CHRDL1: variants seen among roughly 807,000 people sequenced by gnomAD.
The protein encoded by CHRDL1 is chordin like 1, also known as chordin-like protein 1.
Under a neutral mutation model 40.9 loss-of-function variants are expected in CHRDL1, and 19 were observed. That is an observed-to-expected ratio of 0.46 (90% CI 0.32 to 0.68). The LOEUF is 0.68. Among genes scored for constraint, CHRDL1 ranks in the 30% least tolerant of loss-of-function variants. The pLI is 0.03. For synonymous variants in CHRDL1, 136 were observed against 123.4 expected, an observed-to-expected ratio of 1.10 and a Z score of -0.68; for missense variants, 329 against 352.1, an observed-to-expected ratio of 0.93 and a Z score of 0.53.
At chrX:110,732,480 G>A (rs2071183844) in intron 4 of CHRDL1, among the ~76,000 whole-genome samples, 1 of 112,116 alleles carries the variant, frequency 8.9e-6, no homozygotes, top group South Asian at 3.8e-4. Flanking sequence ...CGAGTGAGAG[G>A]AAACAGTCAT....
intron 2 of CHRDL1, among the ~76,000 whole-genome samples, chrX:110,780,006 G>A (rs886394596): frequency 9.0e-6 from 1 of 111,106 alleles, no homozygotes; most frequent in Non-Finnish European, 1.9e-5. Flanking sequence ...AAAAGCAATT[G>A]ACTTTTATAT....
At chrX:110,720,677 C>T (rs772677834) in intron 5 of CHRDL1, among the ~76,000 whole-genome samples, 2 of 111,927 alleles carry the variant, frequency 1.8e-5, no homozygotes, top group Admixed American at 1.9e-4. Flanking sequence ...CTTCCCTTGA[C>T]AATCCAGTGC....
intron 9 of CHRDL1, among the ~76,000 whole-genome samples, chrX:110,685,963 G>A (rs1162328104): frequency 1.9e-5 from 2 of 103,805 alleles, no homozygotes; most frequent in Non-Finnish European, 3.9e-5. Context: ...ATCGTGGCTC[G>A]CTGCAGCCAT....
At chrX:110,751,726 A>T (rs931459029) in intron 4 of CHRDL1, among the ~76,000 whole-genome samples, 2 of 111,807 alleles carry the variant, frequency 1.8e-5, no homozygotes, top group African/African-American at 6.5e-5. Context: ...TTCTTAAAAA[A>T]GCTACAAATA....
In CHRDL1 at chrX:110,734,907, C is replaced by T. The variant is rs186182493; in HGVS notation, c.302-13377G>A. 3.2e-3 allele frequency among the ~76,000 whole-genome samples: 363 copies of T among 111,868 alleles called. 2 individuals carry two copies. Among genetic ancestry groups the T allele is most frequent in the Middle Eastern group, 0.014 (3 of 218 alleles). Reference sequence around the variant, plus strand: ...GTTAAATCAATGATTCTTCACGATGCCTCATTGTTAATAACAGGTTATGTG... The same window carrying T: ...GTTAAATCAATGATTCTTCACGATGTCTCATTGTTAATAACAGGTTATGTG... On this transcript the variant is annotated intron_variant, in intron 4 of 11. Transcript: ENST00000372042.
At chrX:110,735,057 A>G (rs1217395771) in intron 4 of CHRDL1, among the ~76,000 whole-genome samples, 10 of 111,187 alleles carry the variant, frequency 9.0e-5, no homozygotes, top group Admixed American at 8.6e-4. Context: ...GACCCTTTGA[A>G]ATGGACAAAT....
At chrX:110,707,750 TA>T in intron 6 of CHRDL1, among the ~76,000 whole-genome samples, 1 of 111,785 alleles carries the variant, frequency 8.9e-6, no homozygotes, top group East Asian at 2.8e-4. Context: ...ACTCCATGAC[TA>T]AAACACCAAA....
chrX:110,741,576 G>A, intron 4 of CHRDL1, among the ~76,000 whole-genome samples: 2 of 111,400 alleles, frequency 1.8e-5, no homozygotes. Flanking sequence ...TAAGGCCTCT[G>A]CTGTGGCCAC....
At chrX:110,698,672 C>T (rs1389777004) in intron 7 of CHRDL1, among the ~76,000 whole-genome samples, 1 of 111,895 alleles carries the variant, frequency 8.9e-6, no homozygotes, top group Non-Finnish European at 1.9e-5. Flanking sequence ...CCAGGCCTAT[C>T]ACTAGGCCTG....
intron 2 of CHRDL1, among the ~76,000 whole-genome samples, chrX:110,789,562 AAGCATTAG>A (rs2090067436): frequency 8.9e-6 from 1 of 112,615 alleles, no homozygotes; most frequent in Admixed American, 9.4e-5. Context: ...CAAACCATGC[AAGCATTAG>A]AAAGAATATG....
At chrX:110,728,738 C>G (rs192632185) in intron 4 of CHRDL1, among the ~76,000 whole-genome samples, 190 of 112,356 alleles carry the variant, frequency 1.7e-3, no homozygotes, top group African/African-American at 5.9e-3. Context: ...TCTACCAGAG[C>G]ACTGCTGTAA....
At chrX:110,782,826 T>C (rs1029509784) in intron 2 of CHRDL1, among the ~76,000 whole-genome samples, 4 of 112,561 alleles carry the variant, frequency 3.6e-5, no homozygotes, top group African/African-American at 1.3e-4. Context: ...CACGTACCAG[T>C]GTCTTCCAAA....
intron 6 of CHRDL1, among the ~76,000 whole-genome samples, chrX:110,703,595 T>G (rs781312653): frequency 2.7e-5 from 3 of 111,747 alleles, no homozygotes; most frequent in Non-Finnish European, 5.6e-5. Context: ...CTCAGGATAT[T>G]TACACCCAGG....
chrX:110,705,353 A>G (rs1214792100), intron 6 of CHRDL1, among the ~76,000 whole-genome samples: 3 of 102,532 alleles, frequency 2.9e-5, no homozygotes, highest in Non-Finnish European at 5.9e-5. Context: ...ATATATATAT[A>G]TACACACACA....
At chrX:110,708,230 C>T (rs562959437) in intron 6 of CHRDL1, among the ~76,000 whole-genome samples, 5 of 110,740 alleles carry the variant, frequency 4.5e-5, no homozygotes, top group African/African-American at 6.6e-5. Context: ...GAAGACAGTG[C>T]GGTGATTTCT....
At chrX:110,744,961 TCACACA>T (rs530325738) in intron 4 of CHRDL1, among the ~76,000 whole-genome samples, 12 of 84,504 alleles carry the variant, frequency 1.4e-4, no homozygotes, top group Non-Finnish European at 2.1e-4. Context: ...TCTCTCTCAT[TCACACA>T]CACACACACA....
intron 4 of CHRDL1, among the ~76,000 whole-genome samples, chrX:110,752,295 CTT>C (rs2089373255): frequency 8.9e-6 from 1 of 112,371 alleles, no homozygotes; most frequent in South Asian, 3.7e-4. Flanking sequence ...GTCTCAATCT[CTT>C]GACTTCGTGA....
intron 8 of CHRDL1, among the ~76,000 whole-genome samples, chrX:110,689,789 A>C (rs1470758999): frequency 3.3e-5 from 2 of 60,083 alleles, no homozygotes; most frequent in African/African-American, 1.9e-4. Context: ...ATCTATATAT[A>C]TCTATACATC....
chrX:110,770,458 G>T (rs1328657745), intron 2 of CHRDL1, among the ~76,000 whole-genome samples: 2 of 110,652 alleles, frequency 1.8e-5, no homozygotes, highest in African/African-American at 6.6e-5. Flanking sequence ...TATTGGAAAA[G>T]GAGAAAAGTC....
Sources: gnomAD v4.1 joint callset for allele counts (sites outside exome capture counted in the v4.1 genomes callset) on GRCh38, gnomAD v4.1.1 for gene constraint, MANE v1.5 for transcripts, NCBI Gene and HGNC (gene_info 2026-07-23, HGNC 2026-07-21) for gene names.